PCDH15: variants seen among roughly 807,000 people sequenced by gnomAD.
The protein encoded by PCDH15 is protocadherin-15.
In PCDH15, 129 loss-of-function variants were observed where a neutral mutation model predicts 178.5. That is an observed-to-expected ratio of 0.72 (90% confidence interval 0.63 to 0.84). The LOEUF (loss-of-function observed/expected upper bound fraction) is 0.84. PCDH15 is among the 40% of genes least tolerant of loss of function. PCDH15 has a pLI of 0.00. For missense variants in PCDH15, 2,230 were observed against 2,099.9 expected, an observed-to-expected ratio of 1.06 and a Z score of -1.21; for synonymous variants, 800 against 732.0, an observed-to-expected ratio of 1.09 and a Z score of -1.50.
At chr10:55,219,379 C>T (rs1840802994) in intron 1 of PCDH15, among the ~76,000 whole-genome samples, 1 of 151,780 alleles carries the variant, frequency 6.6e-6, no homozygotes, top group Non-Finnish European at 1.5e-5. Flanking sequence ...TGCTAACAGT[C>T]CCGATGCAGC....
intron 3 of PCDH15, among the ~76,000 whole-genome samples, chr10:54,519,231 A>G (rs1186940300): frequency 2.6e-5 from 4 of 152,258 alleles, no homozygotes; most frequent in African/African-American, 9.6e-5. Flanking sequence ...GCAGGAGAAG[A>G]AAACAAAGGG....
chr10:55,350,558 T>C (rs1844898078), intron 2 of PCDH15, among the ~76,000 whole-genome samples: 1 of 151,948 alleles, frequency 6.6e-6, no homozygotes, highest in Non-Finnish European at 1.5e-5. Context: ...AGAACAGTAC[T>C]GACATTCTAG....
chr10:55,479,407 TAGA>T (rs1054038355), intron 2 of PCDH15, among the ~76,000 whole-genome samples: 1 of 151,648 alleles, frequency 6.6e-6, no homozygotes, highest in African/African-American at 2.4e-5. Flanking sequence ...ATTATCTCAA[TAGA>T]AGAAGAAAAA....
At chr10:54,613,490 C>G (rs2093029343) in intron 2 of PCDH15, among the ~76,000 whole-genome samples, 1 of 145,082 alleles carries the variant, frequency 6.9e-6, no homozygotes, top group South Asian at 2.1e-4. Flanking sequence ...TTTTGTCTCT[C>G]TCTCACACAC....
chr10:54,520,538 A>G (rs563322216), intron 3 of PCDH15, among the ~76,000 whole-genome samples: 63 of 152,062 alleles, frequency 4.1e-4, no homozygotes, highest in East Asian at 7.7e-4. Context: ...CAGTTAGAAT[A>G]GCAATCATTA....
intron 8 of PCDH15, among the ~76,000 whole-genome samples, chr10:54,295,011 G>A (rs1444481704): frequency 6.6e-6 from 1 of 152,148 alleles, no homozygotes; most frequent in Non-Finnish European, 1.5e-5. Flanking sequence ...TCATAGTGTG[G>A]TCATGATGGT....
At chr10:55,472,777 C>T (rs1489488174) in intron 2 of PCDH15, among the ~76,000 whole-genome samples, 1 of 152,104 alleles carries the variant, frequency 6.6e-6, no homozygotes, top group Non-Finnish European at 1.5e-5. Context: ...ACCGTGTTAG[C>T]CAGGATGGCC....
intron 2 of PCDH15, among the ~76,000 whole-genome samples, chr10:54,965,188 A>G (rs888904533): frequency 1.4e-4 from 22 of 152,108 alleles, no homozygotes; most frequent in African/African-American, 5.1e-4. Context: ...GTAGAAGGTA[A>G]GGTAGTATAA....
At chr10:55,133,916 C>T (rs111793471) in intron 2 of PCDH15, among the ~76,000 whole-genome samples, 2 of 152,214 alleles carry the variant, frequency 1.3e-5, no homozygotes, top group African/African-American at 4.8e-5. Flanking sequence ...GGCATCATTA[C>T]TCACTAACAT....
At chr10:55,605,238 A>T (rs1250912641) in intron 2 of PCDH15, among the ~76,000 whole-genome samples, 5 of 152,096 alleles carry the variant, frequency 3.3e-5, no homozygotes, top group Non-Finnish European at 7.4e-5. Flanking sequence ...AGGATCTGAA[A>T]TTGTGGCAAT....
chr10:54,378,737 T>C, intron 4 of PCDH15, 45 bp downstream of exon 4: 4 of 1,582,696 alleles, frequency 2.5e-6, no homozygotes, highest in Non-Finnish European at 3.5e-6. Context: ...ACATTTAAAT[T>C]ATAATAAACT....
intron 2 of PCDH15, among the ~76,000 whole-genome samples, chr10:55,451,988 T>C (rs1839445740): frequency 1.3e-5 from 2 of 152,198 alleles, no homozygotes; most frequent in African/African-American, 4.8e-5. Context: ...GTTATACCAA[T>C]TGTGAATAAA....
At chr10:55,222,516 TA>T (rs528121248) in intron 1 of PCDH15, among the ~76,000 whole-genome samples, 146 of 152,012 alleles carry the variant, frequency 9.6e-4, no homozygotes, top group Admixed American at 7.7e-3. Flanking sequence ...ATTAACGTTG[TA>T]AAATGGTATT....
At chr10:55,219,502 G>C (rs780867175) in intron 1 of PCDH15, among the ~76,000 whole-genome samples, 1 of 151,178 alleles carries the variant, frequency 6.6e-6, no homozygotes, top group Non-Finnish European at 1.5e-5. Flanking sequence ...TCGTATATTG[G>C]TACTCTCACT....
chr10:54,389,183 C>T (rs1324448764), intron 3 of PCDH15, among the ~76,000 whole-genome samples: 1 of 152,074 alleles, frequency 6.6e-6, no homozygotes, highest in Non-Finnish European at 1.5e-5. Context: ...AACTGTAGGG[C>T]TCTTCAAGGA....
intron 9 of PCDH15, among the ~76,000 whole-genome samples, chr10:54,228,776 G>A (rs188322478): frequency 6.6e-6 from 1 of 152,278 alleles, no homozygotes; most frequent in Admixed American, 6.5e-5. Flanking sequence ...ATATTGGTAA[G>A]AGCAGATCTT....
intron 2 of PCDH15, among the ~76,000 whole-genome samples, chr10:55,052,580 T>C (rs1049223638): frequency 2.8e-5 from 3 of 108,018 alleles, no homozygotes; most frequent in African/African-American, 1.1e-4. Flanking sequence ...GGCATGGTGG[T>C]GTGTGCCTGT....
chr10:54,281,743 T>C (rs1307854447), intron 8 of PCDH15, among the ~76,000 whole-genome samples: 2 of 152,042 alleles, frequency 1.3e-5, no homozygotes, highest in African/African-American at 4.8e-5. Context: ...ATTTTAGTAC[T>C]ACCATCTATA....
Position 55,096,873 on chromosome 10 carries a change from A to C in PCDH15, c.-80+69703T>G, listed in dbSNP as rs550651617. The stretch of plus-strand genomic sequence containing the variant: ...AAAAAACAATATAGATTGTAGAACT[A>C]GCAAACTTCCAGTATCAGTTAAATT... On this transcript the variant is annotated intron_variant, in intron 2 of 5. Transcript: ENST00000458638. 2.8e-4 allele frequency among the ~76,000 whole-genome samples: 43 copies of C among 152,254 alleles called. 1 individual carries two copies. Among genetic ancestry groups the C allele is most frequent in the African/African-American group, 9.6e-4 (40 of 41,574 alleles).
Sources: allele counts gnomAD v4.1 joint callset (sites outside exome capture counted in the v4.1 genomes callset), GRCh38; gene constraint gnomAD v4.1.1; transcripts MANE v1.5; gene names NCBI Gene and HGNC (gene_info 2026-07-23, HGNC 2026-07-21).